Variants in EZH2 observed in about 807,000 individuals in gnomAD.
EZH2 encodes the protein enhancer of zeste 2 polycomb repressive complex 2 subunit, also known as histone-lysine N-methyltransferase EZH2.
A neutral mutation model predicts 98.4 loss-of-function variants in EZH2; 18 were observed. That is an observed-to-expected ratio of 0.18 (90% CI 0.13 to 0.27). EZH2 has a LOEUF of 0.27. EZH2 is among the 10% of genes least tolerant of loss of function. EZH2 has a pLI of 1.00. For synonymous variants in EZH2, 338 were observed against 312.3 expected (o/e 1.08, Z -0.87); for missense variants, 470 against 935.1 (o/e 0.50, Z 6.49).
chr7:148,863,886 A>T (rs1818063028), intron 1 of EZH2, among the ~76,000 whole-genome samples: 1 of 152,238 alleles, frequency 6.6e-6, no homozygotes, highest in Non-Finnish European at 1.5e-5. Flanking sequence ...AAATGTGGAA[A>T]ATACAACAGG....
chr7:148,847,728 C>T (rs535502189), intron 1 of EZH2, among the ~76,000 whole-genome samples: 24 of 152,062 alleles, frequency 1.6e-4, no homozygotes, highest in African/African-American at 5.8e-4. Flanking sequence ...AAAGGTAAAT[C>T]CAAGAAGAAG....
chr7:148,860,323 G>A (rs950938015), intron 1 of EZH2, among the ~76,000 whole-genome samples: 1 of 129,308 alleles, frequency 7.7e-6, no homozygotes, highest in Non-Finnish European at 1.6e-5. Flanking sequence ...GACAGCAGTG[G>A]GCATAGAAGA....
chr7:148,821,850 A>G (rs1473641569), intron 8 of EZH2, among the ~76,000 whole-genome samples: 2 of 152,068 alleles, frequency 1.3e-5, no homozygotes, highest in Non-Finnish European at 2.9e-5. Flanking sequence ...GTGTATGTAT[A>G]TATATCTCTC....
intron 1 of EZH2, among the ~76,000 whole-genome samples, chr7:148,854,204 G>GGGAGGCCAAGATGGGCAGATCA (rs1816389314): frequency 6.6e-6 from 1 of 152,178 alleles, no homozygotes; most frequent in Admixed American, 6.5e-5. Flanking sequence ...CCAGCACTTT[G>GGGAGGCCAAGATGGGCAGATCA]GGAGGCCAAG....
At chr7:148,862,862 G>A (rs547494074) in intron 1 of EZH2, among the ~76,000 whole-genome samples, 2 of 152,106 alleles carry the variant, frequency 1.3e-5, no homozygotes, top group African/African-American at 4.8e-5. Context: ...TTTATTCATT[G>A]CTTTTGCACC....
intron 1 of EZH2, among the ~76,000 whole-genome samples, chr7:148,874,881 A>C (rs1819969007): frequency 6.6e-6 from 1 of 150,544 alleles, no homozygotes; most frequent in East Asian, 2.0e-4. Flanking sequence ...TGGGGGACAG[A>C]GCAAGACTCC....
chr7:148,819,969 G>T (rs781376987), intron 8 of EZH2, among the ~76,000 whole-genome samples: 2 of 152,058 alleles, frequency 1.3e-5, no homozygotes, highest in Non-Finnish European at 2.9e-5. Flanking sequence ...GCATAACTAT[G>T]GTTATAAACA....
intron 6 of EZH2, 28 bp from the exon 7 acceptor site, chr7:148,827,294 AAG>A: frequency 6.5e-7 from 1 of 1,540,982 alleles, no homozygotes; most frequent in Non-Finnish European, 8.9e-7. Flanking sequence ...AAAGGAAAAA[AAG>A]AATGGAAGTA....
intron 12 of EZH2, 104 bp from the exon 13 acceptor site, chr7:148,815,650 G>A (rs1311756427): frequency 2.9e-5 from 30 of 1,041,508 alleles, no homozygotes; most frequent in Middle Eastern, 2.0e-4. Flanking sequence ...ACAGGAATGC[G>A]TTAAAGCCAA....
Position 148,851,443 on chromosome 7 carries a change from A to T in EZH2, c.-7-4138T>A, listed in dbSNP as rs74598655. 2.5e-4 allele frequency among the ~76,000 whole-genome samples: 38 copies of T among 152,324 alleles called. No homozygotes were observed. The East Asian group carries it at 5.8e-3, about 23-fold the overall frequency. On this transcript the variant is annotated intron_variant, in intron 1 of 19. Transcript: ENST00000320356. Reference sequence around the variant, plus strand: ...ACACACTTGGTTCTGTGCCTGGCATATAGTGAGCCTTTAGATGTTAGCTCC... The same window carrying T: ...ACACACTTGGTTCTGTGCCTGGCATTTAGTGAGCCTTTAGATGTTAGCTCC...
chr7:148,815,479 T>C, intron 13 of EZH2, 27 bp downstream of exon 13: 2 of 1,604,182 alleles, frequency 1.2e-6, no homozygotes, highest in Non-Finnish European at 8.5e-7. Flanking sequence ...GTTAAGCTAA[T>C]AATGAGAGGA....
chr7:148,840,823 A>C (rs1812242687), intron 3 of EZH2, among the ~76,000 whole-genome samples: 1 of 152,154 alleles, frequency 6.6e-6, no homozygotes, highest in Non-Finnish European at 1.5e-5. Flanking sequence ...GTCTAATGCA[A>C]TTTTCTTGTT....
At chr7:148,826,209 A>G (rs537586385) in intron 8 of EZH2, among the ~76,000 whole-genome samples, 136 of 140,738 alleles carry the variant, frequency 9.7e-4, no homozygotes, top group African/African-American at 2.8e-3. Context: ...CTTACGGGGG[A>G]AAAAAAAAAA....
intron 3 of EZH2, among the ~76,000 whole-genome samples, chr7:148,844,777 AC>A (rs1813538307): frequency 6.6e-6 from 1 of 152,216 alleles, no homozygotes; most frequent in Admixed American, 6.5e-5. Context: ...ATCCACTTGA[AC>A]AAACAATACT....
intron 1 of EZH2, among the ~76,000 whole-genome samples, chr7:148,861,408 G>C (rs1280772939): frequency 6.6e-6 from 1 of 151,822 alleles, no homozygotes; most frequent in Non-Finnish European, 1.5e-5. Flanking sequence ...TGTATTTTTA[G>C]TAGAGACAGG....
chr7:148,815,165 A>G (rs1804212685), intron 13 of EZH2, 126 bp from the exon 14 acceptor site: 6 of 1,199,524 alleles, frequency 5.0e-6, no homozygotes, highest in Non-Finnish European at 6.9e-6. Flanking sequence ...TACTGAATGC[A>G]TAACATTACA....
intron 3 of EZH2, among the ~76,000 whole-genome samples, chr7:148,840,722 T>C (rs1418400368): frequency 6.6e-6 from 1 of 152,176 alleles, no homozygotes; most frequent in Non-Finnish European, 1.5e-5. Context: ...TATTCTTTTA[T>C]AAAATCTGCT....
chr7:148,863,428 G>A (rs1647716849), intron 1 of EZH2, among the ~76,000 whole-genome samples: 1 of 152,054 alleles, frequency 6.6e-6, no homozygotes, highest in Admixed American at 6.6e-5. Context: ...CAAATTAAGA[G>A]ACTAATATCT....
At chr7:148,808,506 G>A (rs1172061966) in intron 19 of EZH2, among the ~76,000 whole-genome samples, 1 of 152,256 alleles carries the variant, frequency 6.6e-6, no homozygotes, top group Non-Finnish European at 1.5e-5. Flanking sequence ...GAGCTTGACA[G>A]TGTCAACTGG....
Sources: gnomAD v4.1 joint callset for allele counts (sites outside exome capture counted in the v4.1 genomes callset) on GRCh38, gnomAD v4.1.1 for gene constraint, MANE v1.5 for transcripts, NCBI Gene and HGNC (gene_info 2026-07-23, HGNC 2026-07-21) for gene names.